Variants in VPS53 observed in about 807,000 individuals in gnomAD.
The protein encoded by VPS53 is VPS53 subunit of GARP complex.
A neutral mutation model predicts 107.0 loss-of-function variants in VPS53; 70 were observed. The observed-to-expected ratio is 0.65, with a 90% confidence interval of 0.54 to 0.80. The LOEUF (loss-of-function observed/expected upper bound fraction) is 0.80. VPS53 is among the 30% of genes least tolerant of loss of function. VPS53 has a pLI of 0.00. For synonymous variants in VPS53, 409 were observed against 393.3 expected, an observed-to-expected ratio of 1.04 and a Z score of -0.47; for missense variants, 917 against 1,049.4, an observed-to-expected ratio of 0.87 and a Z score of 1.74.
chr17:531,116 G>A (rs1305063900), intron 19 of VPS53, among the ~76,000 whole-genome samples: 1 of 152,226 alleles, frequency 6.6e-6, no homozygotes, highest in African/African-American at 2.4e-5. Flanking sequence ...TCTGCTGCCT[G>A]AGTGAACACG....
At chr17:618,201 G>A (rs7216217) in intron 11 of VPS53, among the ~76,000 whole-genome samples, 14 of 59,970 alleles carry the variant, frequency 2.3e-4, no homozygotes, top group South Asian at 9.0e-4. Context: ...ACAGGCGTGC[G>A]CCACCACGCC....
At chr17:696,053 C>A (rs1053743629) in intron 4 of VPS53, among the ~76,000 whole-genome samples, 5 of 152,140 alleles carry the variant, frequency 3.3e-5, no homozygotes, top group African/African-American at 9.7e-5. Context: ...TATACCTCAA[C>A]AGACAAAACG....
intron 4 of VPS53, among the ~76,000 whole-genome samples, chr17:662,471 C>T (rs191251921): frequency 0.01 from 1,529 of 152,052 alleles, 21 homozygotes; most frequent in Middle Eastern, 0.017. Context: ...GGGCAGATCA[C>T]GAGGTCAGGA....
At chr17:677,936 A>G (rs564783470) in intron 4 of VPS53, among the ~76,000 whole-genome samples, 2 of 152,176 alleles carry the variant, frequency 1.3e-5, no homozygotes, top group Admixed American at 6.5e-5. Flanking sequence ...TGGGCAACAC[A>G]GCAAAACCCG....
At chr17:680,359 G>T (rs769760900) in intron 4 of VPS53, among the ~76,000 whole-genome samples, 2 of 151,940 alleles carry the variant, frequency 1.3e-5, no homozygotes, top group Non-Finnish European at 2.9e-5. Flanking sequence ...CCAAAAAGAA[G>T]AAAATGTCAA....
At chr17:544,023 CAGGGAGGG>C (rs1442072386) in intron 17 of VPS53, among the ~76,000 whole-genome samples, 1 of 47,140 alleles carries the variant, frequency 2.1e-5, no homozygotes, top group Admixed American at 3.3e-4. Context: ...GTGAGGAAGG[CAGGGAGGG>C]AGGGAGGGAG....
intron 8 of VPS53, 125 bp downstream of exon 8, chr17:631,425 C>A (rs1969955446): frequency 2.0e-6 from 2 of 1,000,996 alleles, no homozygotes; most frequent in East Asian, 2.4e-5. Context: ...CCTGAACCTG[C>A]AGCAGAAGGA....
Position 524,077 on chromosome 17 carries a change from T to C in VPS53, c.2086-2339A>G, listed in dbSNP as rs1381177755. ...ATTTTGGGAGGCCGAGGCGGGTGGA[T>C]CATCTGAGGTCAGGAGTTCGAGACC... On this transcript the variant is annotated intron_variant, in intron 19 of 21. Transcript: ENST00000437048. The surrounding 1 kb of genome is among the most constrained non-coding windows in gnomAD (Gnocchi z 4.5). Among the ~76,000 whole-genome samples, 1 of 152,058 alleles carries C rather than the reference T, an allele frequency of 6.6e-6. No homozygotes were observed. Among genetic ancestry groups the C allele is most frequent in the African/African-American group, 2.4e-5 (1 of 41,390 alleles).
chr17:667,968 G>A (rs954741647), intron 4 of VPS53, among the ~76,000 whole-genome samples: 2 of 152,188 alleles, frequency 1.3e-5, no homozygotes, highest in African/African-American at 4.8e-5. Context: ...ATTATCTGAG[G>A]TGGAACAGTT....
intron 14 of VPS53, among the ~76,000 whole-genome samples, chr17:562,212 T>G (rs1597303853): frequency 6.6e-6 from 1 of 152,192 alleles, no homozygotes; most frequent in African/African-American, 2.4e-5. Context: ...GTGCCAAGTA[T>G]CTATAGCTGA....
chr17:708,590 G>A (rs1454188400), intron 2 of VPS53, among the ~76,000 whole-genome samples: 1 of 152,144 alleles, frequency 6.6e-6, no homozygotes, highest in Non-Finnish European at 1.5e-5. Context: ...CCCCCCACGA[G>A]AGCTGGTGGA....
At chr17:571,571 C>T (rs1914086354) in intron 13 of VPS53, among the ~76,000 whole-genome samples, 1 of 150,758 alleles carries the variant, frequency 6.6e-6, no homozygotes, top group Non-Finnish European at 1.5e-5. Flanking sequence ...CCTCTCTTTC[C>T]ACGGTCTCCC....
rs978074325 is a variant in VPS53 at position 551,957 on chromosome 17, A to G, written c.1788-7T>C. 1 of 1,583,746 alleles carries G rather than the reference A, an allele frequency of 6.3e-7. No homozygotes were observed. Among genetic ancestry groups the G allele is most frequent in the Non-Finnish European group, 8.6e-7 (1 of 1,163,274 alleles). ...AATACTGCTGGAGATGACGCTGCAAATCAAACAAATCACTGTGGTCACCCT... is the reference window on the plus strand; with the variant it reads ...AATACTGCTGGAGATGACGCTGCAAGTCAAACAAATCACTGTGGTCACCCT... On this transcript the variant is annotated splice_region_variant and splice_polypyrimidine_tract_variant and intron_variant, in intron 16 of 21. Coordinates refer to ENST00000437048, the MANE Select transcript of VPS53 (RefSeq NM_001128159.3).
intron 13 of VPS53, among the ~76,000 whole-genome samples, chr17:585,007 AAAC>A (rs1197809227): frequency 2.6e-5 from 4 of 152,256 alleles, no homozygotes; most frequent in African/African-American, 9.6e-5. Context: ...AATGCCACAG[AAAC>A]AACGCTTCCG....
chr17:581,073 C>T (rs1244919017), intron 13 of VPS53, among the ~76,000 whole-genome samples: 1 of 151,998 alleles, frequency 6.6e-6, no homozygotes, highest in Non-Finnish European at 1.5e-5. Flanking sequence ...TAATGTGTTC[C>T]CAGAGAACTT....
At chr17:623,130 C>G (rs1054164108) in intron 11 of VPS53, among the ~76,000 whole-genome samples, 4 of 152,062 alleles carry the variant, frequency 2.6e-5, no homozygotes, top group Admixed American at 6.6e-5. Context: ...TTGGGGTTTA[C>G]AGAGACTCAT....
Position 593,742 on chromosome 17 carries a change from T to A in VPS53, c.1219-7378A>T, listed in dbSNP as rs1967805263. Among the ~76,000 whole-genome samples the A allele has an allele frequency of 2.6e-5, 4 of 152,290 alleles. No homozygotes were observed. The South Asian group carries it at 8.3e-4, about 32-fold the overall frequency. On this transcript the variant is annotated intron_variant, in intron 12 of 21. Transcript: ENST00000437048. ...TAAACTAGTTCAACCATTGTGGAAG[T>A]CAGTGTGGCGATTCCTCAGGGATCT...
chr17:659,031 A>G (rs935903710), intron 5 of VPS53, among the ~76,000 whole-genome samples: 13 of 144,262 alleles, frequency 9.0e-5, no homozygotes, highest in African/African-American at 2.2e-4. Context: ...TCTGTTTCCA[A>G]TGAATTAAAA....
rs148549223 is a variant in VPS53, at chr17:551,775, G to A, written c.1866+97C>T. 4.2e-5 allele frequency: 46 copies of A among 1,092,864 alleles called. No homozygotes were observed. In the East Asian group the frequency reaches 1.1e-3, roughly 27 times the overall value. The allele number at this position is 1,092,864 out of a possible 1,614,324, so 67.7% of individuals were successfully genotyped here. The stretch of plus-strand genomic sequence containing the variant: ...CCATTCTCCTCAGCTGATCCTTTAC[G>A]CTCCGATGAGCCTGGAGAAGCTACA... On this transcript the variant is annotated intron_variant, in intron 17 of 21. Coordinates refer to ENST00000437048, the MANE Select transcript of VPS53 (RefSeq NM_001128159.3).
Sources: gnomAD v4.1 joint callset for allele counts (sites outside exome capture counted in the v4.1 genomes callset) on GRCh38, gnomAD v4.1.1 for gene constraint, Gnocchi (gnomAD v3.1) non-coding constraint, MANE v1.5 for transcripts, NCBI Gene and HGNC (gene_info 2026-07-23, HGNC 2026-07-21) for gene names.